Variants in SPATA6 observed in about 807,000 individuals in gnomAD.
SPATA6 encodes the protein spermatogenesis associated 6.
A neutral mutation model predicts 65.3 loss-of-function variants in SPATA6; 56 were observed. The observed-to-expected ratio is 0.86, with a 90% CI of 0.69 to 1.07. The LOEUF (loss-of-function observed/expected upper bound fraction) is 1.07, where lower values mean the gene tolerates loss of function less well. Ranked by LOEUF, SPATA6 falls within the 50% of genes least tolerant of loss-of-function variation. The probability of loss-of-function intolerance (pLI) is 0.00; values close to 1 mark genes in which losing one functional copy is unlikely to be tolerated. For synonymous variants in SPATA6, 199 were observed against 213.2 expected (o/e 0.93, Z 0.58); for missense variants, 590 against 594.8 (o/e 0.99, Z 0.08).
chr1:48,439,909 T>C (rs538482533), intron 3 of SPATA6, among the ~76,000 whole-genome samples: 6 of 152,278 alleles, frequency 3.9e-5, no homozygotes, highest in South Asian at 2.1e-4. Flanking sequence ...TAAATTAAAA[T>C]ACTATACTAC....
chr1:48,403,905 T>A (rs1285947091), intron 5 of SPATA6, 23 bp from the exon 6 acceptor site: 4 of 1,524,832 alleles, frequency 2.6e-6, no homozygotes, highest in African/African-American at 1.4e-5. Flanking sequence ...AAGAGGGTAT[T>A]ATTACACATT....
At chr1:48,312,957 A>G (rs1209604644) in intron 11 of SPATA6, among the ~76,000 whole-genome samples, 1 of 152,228 alleles carries the variant, frequency 6.6e-6, no homozygotes, top group African/African-American at 2.4e-5. Context: ...GTGATGGAAG[A>G]TCAAATGAAT....
chr1:48,351,312 T>G (rs1448686856), intron 11 of SPATA6, among the ~76,000 whole-genome samples: 1 of 152,034 alleles, frequency 6.6e-6, no homozygotes, highest in Non-Finnish European at 1.5e-5. Context: ...CTTTCTAATC[T>G]GTATGACTTT....
chr1:48,320,687 TG>T (rs1645574944), intron 11 of SPATA6, among the ~76,000 whole-genome samples: 1 of 152,188 alleles, frequency 6.6e-6, no homozygotes, highest in Non-Finnish European at 1.5e-5. Flanking sequence ...TAAAACTTAT[TG>T]GTAATAGTAA....
chr1:48,394,604 C>T (rs1650402712), intron 8 of SPATA6, among the ~76,000 whole-genome samples: 1 of 151,996 alleles, frequency 6.6e-6, no homozygotes, highest in Non-Finnish European at 1.5e-5. Flanking sequence ...AGATTACACA[C>T]AACAGGTTAG....
downstream of SPATA6, among the ~76,000 whole-genome samples, chr1:48,292,780 A>G (rs867976918): frequency 6.6e-6 from 1 of 152,364 alleles, no homozygotes; most frequent in Middle Eastern, 3.4e-3. Context: ...GTGTGCATGC[A>G]CATGCCCATG....
At chr1:48,415,654 A>C (rs1557683264) in intron 3 of SPATA6, among the ~76,000 whole-genome samples, 1 of 147,938 alleles carries the variant, frequency 6.8e-6, no homozygotes, top group Non-Finnish European at 1.5e-5. Context: ...GAAAAAAAAA[A>C]CCACAACAGA....
the SPATA6 span, among the ~76,000 whole-genome samples, chr1:48,268,412 C>T: frequency 6.6e-6 from 1 of 151,952 alleles, no homozygotes; most frequent in Non-Finnish European, 1.5e-5. Context: ...TCACATTGAA[C>T]ATTCCTAAGA....
At chr1:48,300,508 T>G (rs1195749010) in intron 12 of SPATA6, among the ~76,000 whole-genome samples, 1 of 152,020 alleles carries the variant, frequency 6.6e-6, no homozygotes. Flanking sequence ...GAAGAACTAA[T>G]AAGAAGTCTA....
At chr1:48,291,075 A>G (rs1644764119), downstream of SPATA6, among the ~76,000 whole-genome samples, 1 of 152,232 alleles carries the variant, frequency 6.6e-6, no homozygotes, top group Non-Finnish European at 1.5e-5. Flanking sequence ...CACTTACTGC[A>G]AAACTGACCA....
At chr1:48,439,682 A>T (rs1365581382) in intron 3 of SPATA6, among the ~76,000 whole-genome samples, 1 of 152,140 alleles carries the variant, frequency 6.6e-6, no homozygotes, top group East Asian at 1.9e-4. Flanking sequence ...TTTCTTTCAG[A>T]TAGTAAACAC....
intron 9 of SPATA6, among the ~76,000 whole-genome samples, chr1:48,367,376 G>A (rs1377352821): frequency 6.6e-6 from 1 of 152,142 alleles, no homozygotes; most frequent in Non-Finnish European, 1.5e-5. Context: ...TCGTTAATCT[G>A]TCTAATGTTG....
chr1:48,264,392 T>A, the SPATA6 span, among the ~76,000 whole-genome samples: 5 of 152,302 alleles, frequency 3.3e-5, no homozygotes, highest in South Asian at 1.0e-3. Flanking sequence ...TGTTATACTT[T>A]AAGTTCTGGG....
chr1:48,348,882 C>G (rs1646442045), intron 11 of SPATA6, among the ~76,000 whole-genome samples: 1 of 151,926 alleles, frequency 6.6e-6, no homozygotes, highest in Non-Finnish European at 1.5e-5. Flanking sequence ...TTTGTACATT[C>G]TTTTTCTGAC....
intron 11 of SPATA6, among the ~76,000 whole-genome samples, chr1:48,329,459 T>G (rs1248223401): frequency 6.6e-6 from 1 of 152,174 alleles, no homozygotes; most frequent in Admixed American, 6.5e-5. Flanking sequence ...AAACTGTTAT[T>G]CAAAAAGAAT....
At chr1:48,434,850 C>T (rs1654745907) in intron 3 of SPATA6, among the ~76,000 whole-genome samples, 1 of 152,084 alleles carries the variant, frequency 6.6e-6, no homozygotes, top group Admixed American at 6.6e-5. Context: ...TTAGGCATAA[C>T]TTATTTTGTT....
Position 48,387,578 on chromosome 1 carries a change from G to T in SPATA6, c.869-2229C>A, listed in dbSNP as rs181961321. Among the ~76,000 whole-genome samples, 374 of 152,244 alleles carry T rather than the reference G, an allele frequency of 2.5e-3. 1 individual carries two copies. Among genetic ancestry groups the T allele is most frequent in the Middle Eastern group, 0.014 (4 of 294 alleles). ...CCAAGCATCCCACCAGTGGCCTGGC[G>T]ACCACTCTGCCCCTGCCTACCACAG... is the stretch of plus-strand genomic sequence containing the variant. On this transcript the variant is annotated intron_variant, in intron 8 of 12. Transcript: ENST00000371847.
chr1:48,325,198 G>A (rs1423749654), intron 11 of SPATA6: 12 of 697,622 alleles, frequency 1.7e-5, no homozygotes, highest in South Asian at 1.6e-4. Flanking sequence ...CAGGGTTCGT[G>A]TTCACTGCTG....
Position 48,471,986 on chromosome 1 carries a change from T to C in SPATA6, c.23A>G (p.Gln8Arg). 3 of 1,592,862 alleles carry C rather than the reference T, an allele frequency of 1.9e-6. No homozygotes were observed. Among genetic ancestry groups the C allele is most frequent in the Non-Finnish European group, 2.6e-6 (3 of 1,172,036 alleles). MPKVKAL[Q>R]CALALEISSV... is the part of the protein sequence containing the mutation. ...GCTGATCTCCAGCGCCAGGGCGCACTGCAGCGCCTTCACCTTCGGCATCCG... is the reference window on the plus strand; with the variant it reads ...GCTGATCTCCAGCGCCAGGGCGCACCGCAGCGCCTTCACCTTCGGCATCCG... Residue 8 changes from glutamine (Q) to arginine (R), a missense_variant, in exon 1 of 13, where the codon CAG (glutamine) becomes CGG (arginine). By Grantham distance (43) the Gln-to-Arg change is conservative (BLOSUM62 1). Transcript: ENST00000371847.
Sources: allele counts gnomAD v4.1 joint callset (sites outside exome capture counted in the v4.1 genomes callset), GRCh38; gene constraint gnomAD v4.1.1; transcripts MANE v1.5; gene names NCBI Gene and HGNC (gene_info 2026-07-23, HGNC 2026-07-21).